Variants in PTPN4 observed in about 807,000 individuals in gnomAD.
PTPN4 encodes the protein tyrosine-protein phosphatase non-receptor type 4.
Under a neutral mutation model 135.5 loss-of-function variants are expected in PTPN4, and 49 were observed. The observed-to-expected ratio is 0.36, with a 90% confidence interval of 0.29 to 0.46. PTPN4 has a LOEUF of 0.46. Among genes scored for constraint, PTPN4 ranks in the 20% least tolerant of loss-of-function variants. The pLI is 1.00. For synonymous variants in PTPN4, 333 were observed against 369.9 expected, an observed-to-expected ratio of 0.90 and a Z score of 1.14; for missense variants, 860 against 1,101.0, an observed-to-expected ratio of 0.78 and a Z score of 3.10.
At chr2:119,863,543 A>T (rs1677790555) in intron 3 of PTPN4, among the ~76,000 whole-genome samples, 1 of 152,236 alleles carries the variant, frequency 6.6e-6, no homozygotes, top group Admixed American at 6.5e-5. Flanking sequence ...AAATACAAAT[A>T]ATGTTTATGA....
intron 1 of PTPN4, among the ~76,000 whole-genome samples, chr2:119,785,980 T>C (rs1691040171): frequency 6.6e-6 from 1 of 152,202 alleles, no homozygotes; most frequent in African/African-American, 2.4e-5. Context: ...AGAGTTGATT[T>C]AGTGTAATGG....
chr2:119,874,349 CAT>C (rs976329242), intron 3 of PTPN4, among the ~76,000 whole-genome samples: 3 of 152,164 alleles, frequency 2.0e-5, no homozygotes, highest in Admixed American at 6.5e-5. Flanking sequence ...GAATTGAAGA[CAT>C]GTGTTCACAC....
At chr2:119,845,112 C>G (rs983076075) in intron 2 of PTPN4, among the ~76,000 whole-genome samples, 1 of 148,640 alleles carries the variant, frequency 6.7e-6, no homozygotes, top group Non-Finnish European at 1.5e-5. Flanking sequence ...CGTGGCGGCG[C>G]GAGCCTGCAA....
At chr2:119,814,233 T>G (rs79545470) in intron 2 of PTPN4, among the ~76,000 whole-genome samples, 15 of 152,316 alleles carry the variant, frequency 9.8e-5, no homozygotes, top group African/African-American at 3.4e-4. Context: ...GACTTACCTA[T>G]TCACTATGTA....
In PTPN4 at chr2:119,760,035, G is replaced by T; in HGVS notation, c.-367G>T. On this transcript the variant is annotated 5_prime_UTR_variant, in exon 1 of 27. Coordinates refer to ENST00000263708, the MANE Select transcript of PTPN4 (RefSeq NM_002830.4). ...CCAGGGGCCGGAATTGGGCCTGAGC[G>T]GGAGAGGAAAGAGACTTGGCTTTGG... 1 of 382,844 alleles carries T rather than the reference G, an allele frequency of 2.6e-6. No individual in the cohort carries two copies. The highest frequency in any genetic ancestry group is 4.6e-6 in the Non-Finnish European group (1 of 216,308). The allele number at this position is 382,844 out of a possible 1,614,324, so 23.7% of individuals were successfully genotyped here.
chr2:119,863,508 G>T (rs1296293781), intron 3 of PTPN4, among the ~76,000 whole-genome samples: 1 of 152,098 alleles, frequency 6.6e-6, no homozygotes, highest in Non-Finnish European at 1.5e-5. Context: ...TGTTTATAAG[G>T]CTATATTAAT....
At chr2:119,921,424 A>G (rs1012947701) in intron 12 of PTPN4, among the ~76,000 whole-genome samples, 1 of 152,210 alleles carries the variant, frequency 6.6e-6, no homozygotes, top group Non-Finnish European at 1.5e-5. Flanking sequence ...ATAATTGCCT[A>G]ATTTGTAATC....
chr2:119,778,140 A>C (rs1690873458), intron 1 of PTPN4, among the ~76,000 whole-genome samples: 1 of 152,208 alleles, frequency 6.6e-6, no homozygotes, highest in Admixed American at 6.5e-5. Flanking sequence ...TTTAGACAAA[A>C]ATAAAAATAT....
chr2:119,890,505 T>G (rs1678225266), intron 9 of PTPN4, among the ~76,000 whole-genome samples: 1 of 152,182 alleles, frequency 6.6e-6, no homozygotes, highest in Non-Finnish European at 1.5e-5. Context: ...TTTGATCTAT[T>G]TACATTCAAA....
chr2:119,948,677 T>C (rs1679169795), intron 18 of PTPN4, among the ~76,000 whole-genome samples: 1 of 152,132 alleles, frequency 6.6e-6, no homozygotes, highest in Admixed American at 6.5e-5. Context: ...ATAATCAAAA[T>C]GCTCATCGTT....
chr2:119,816,276 G>A (rs1305738762), intron 2 of PTPN4, among the ~76,000 whole-genome samples: 2 of 152,146 alleles, frequency 1.3e-5, no homozygotes, highest in Admixed American at 1.3e-4. Context: ...TCTTAGTTAG[G>A]CACAGCGGTA....
Position 119,915,262 on chromosome 2 carries a change from T to C in PTPN4, c.828+20T>C. ...GAATTGGTGAGTACGGATTTAATAA[T>C]TATTGACATAAATGAAGCCTTTTAA... On this transcript the variant is annotated intron_variant, in intron 11 of 26. Coordinates refer to ENST00000263708, the MANE Select transcript of PTPN4 (RefSeq NM_002830.4). 1 of 1,495,670 alleles carries C rather than the reference T, an allele frequency of 6.7e-7. No individual in the cohort carries two copies. Among genetic ancestry groups the C allele is most frequent in the Non-Finnish European group, 8.9e-7 (1 of 1,117,646 alleles). The allele number at this position is 1,495,670 out of a possible 1,614,324, so 92.6% of individuals were successfully genotyped here. A position where few individuals can be genotyped will look rare whatever the true frequency, so the allele number is the denominator to read the frequency against.
At chr2:119,959,241 CTT>C (rs35313672) in intron 22 of PTPN4, among the ~76,000 whole-genome samples, 1 of 147,720 alleles carries the variant, frequency 6.8e-6, no homozygotes, top group African/African-American at 2.5e-5. Context: ...CTGATAAGGC[CTT>C]TTTTTTTTTG....
chr2:119,852,790 T>C (rs1335047319), intron 2 of PTPN4, among the ~76,000 whole-genome samples: 2 of 152,076 alleles, frequency 1.3e-5, no homozygotes, highest in Admixed American at 6.5e-5. Flanking sequence ...TCAGCTCTGC[T>C]TTGGCCTTAT....
chr2:119,847,823 C>T (rs1007559806), intron 2 of PTPN4, among the ~76,000 whole-genome samples: 7 of 152,252 alleles, frequency 4.6e-5, no homozygotes, highest in African/African-American at 1.4e-4. Flanking sequence ...ATTTTGCCTT[C>T]GTCTTTTAAA....
intron 2 of PTPN4, among the ~76,000 whole-genome samples, chr2:119,858,110 G>A (rs1034345364): frequency 8.5e-5 from 13 of 152,146 alleles, no homozygotes; most frequent in African/African-American, 3.1e-4. Context: ...TAAGCTTCCC[G>A]AGGCCCTCAA....
At chr2:119,818,614 G>A (rs1248421078) in intron 2 of PTPN4, among the ~76,000 whole-genome samples, 2 of 152,174 alleles carry the variant, frequency 1.3e-5, no homozygotes, top group Non-Finnish European at 2.9e-5. Flanking sequence ...CAGAGACTAT[G>A]TGTCCTCAAA....
At chr2:119,806,633 C>CT (rs1421194606) in intron 1 of PTPN4, among the ~76,000 whole-genome samples, 1 of 152,170 alleles carries the variant, frequency 6.6e-6, no homozygotes, top group South Asian at 2.1e-4. Flanking sequence ...TAATGGAAGA[C>CT]TTTAACACCC....
intron 26 of PTPN4, among the ~76,000 whole-genome samples, chr2:119,975,511 A>G (rs1292612489): frequency 2.0e-5 from 3 of 152,184 alleles, no homozygotes; most frequent in Non-Finnish European, 2.9e-5. Flanking sequence ...GGATCACCTG[A>G]GGTCAGGAGT....
Sources: allele counts gnomAD v4.1 joint callset (sites outside exome capture counted in the v4.1 genomes callset), GRCh38; gene constraint gnomAD v4.1.1; transcripts MANE v1.5; gene names NCBI Gene and HGNC (gene_info 2026-07-23, HGNC 2026-07-21).